The following SGCD variants were observed in gnomAD, a reference collection of about 807,000 sequenced individuals.
The protein encoded by SGCD is sarcoglycan delta.
SGCD carries 18 observed loss-of-function variants against 36.6 expected under a neutral mutation model. The observed-to-expected ratio is 0.49, with a 90% confidence interval of 0.34 to 0.73. The LOEUF (loss-of-function observed/expected upper bound fraction) is 0.73. Among genes scored for constraint, SGCD ranks in the 30% least tolerant of loss-of-function variants. The pLI is 0.01. For synonymous variants in SGCD, 133 were observed against 130.6 expected, an observed-to-expected ratio of 1.02 and a Z score of -0.12; for missense variants, 387 against 346.7, an observed-to-expected ratio of 1.12 and a Z score of -0.92.
chr5:156,616,418 G>A (rs1286179895), intron 6 of SGCD, among the ~76,000 whole-genome samples: 6 of 152,146 alleles, frequency 3.9e-5, no homozygotes, highest in Middle Eastern at 3.2e-3. Flanking sequence ...TATCAGGAGA[G>A]GGAATAGGTG....
chr5:155,763,150 G>T, the SGCD span, among the ~76,000 whole-genome samples: 1 of 151,924 alleles, frequency 6.6e-6, no homozygotes, highest in African/African-American at 2.4e-5. Flanking sequence ...ATTGTAACTT[G>T]CCCCAGTTTT....
chr5:156,443,615 C>T (rs1561698733), intron 3 of SGCD, among the ~76,000 whole-genome samples: 2 of 152,104 alleles, frequency 1.3e-5, no homozygotes, highest in African/African-American at 4.8e-5. Flanking sequence ...TTAACACCCT[C>T]ATGACATGTA....
At chr5:155,969,614 T>C (rs143121948) in intron 1 of SGCD, among the ~76,000 whole-genome samples, 1 of 152,246 alleles carries the variant, frequency 6.6e-6, no homozygotes, top group Non-Finnish European at 1.5e-5. Context: ...CAGAGCAGCC[T>C]ATGTCTGCGC....
intron 3 of SGCD, among the ~76,000 whole-genome samples, chr5:156,443,995 C>T (rs942062924): frequency 5.5e-4 from 83 of 151,878 alleles, no homozygotes; most frequent in Non-Finnish European, 1.1e-3. Context: ...ATCCTAATGA[C>T]CCACCTAAAC....
the SGCD span, among the ~76,000 whole-genome samples, chr5:155,732,504 G>A: frequency 6.6e-6 from 1 of 152,138 alleles, no homozygotes; most frequent in African/African-American, 2.4e-5. Flanking sequence ...AAAAACAAAA[G>A]TAGCTGAAGA....
intron 3 of SGCD, among the ~76,000 whole-genome samples, chr5:156,163,506 TC>T (rs2127619105): frequency 6.6e-6 from 1 of 151,796 alleles, no homozygotes; most frequent in Admixed American, 6.5e-5. Context: ...CTGTGCTTTC[TC>T]CACCTAGTAA....
chr5:155,896,435 A>G (rs1756260313), intron 1 of SGCD, among the ~76,000 whole-genome samples: 1 of 148,808 alleles, frequency 6.7e-6, no homozygotes, highest in African/African-American at 2.5e-5. Context: ...CAGGAGTTTG[A>G]GACCAGCCTG....
At chr5:156,015,898 A>G (rs1359645503) in intron 1 of SGCD, among the ~76,000 whole-genome samples, 1 of 144,014 alleles carries the variant, frequency 6.9e-6, no homozygotes, top group Non-Finnish European at 1.5e-5. Context: ...ATCCACATAT[A>G]TTTTATATAT....
At chr5:155,965,359 T>C (rs1757882013) in intron 1 of SGCD, among the ~76,000 whole-genome samples, 1 of 152,122 alleles carries the variant, frequency 6.6e-6, no homozygotes, top group Non-Finnish European at 1.5e-5. Flanking sequence ...ATCCTGGTCC[T>C]CTCCCAGCTC....
chr5:156,396,804 C>T (rs1176012266), intron 3 of SGCD, among the ~76,000 whole-genome samples: 1 of 152,184 alleles, frequency 6.6e-6, no homozygotes, highest in Non-Finnish European at 1.5e-5. Context: ...TGAACCTTCA[C>T]TGGAACTTAG....
chr5:155,821,685 A>T, the SGCD span, among the ~76,000 whole-genome samples: 2 of 152,340 alleles, frequency 1.3e-5, no homozygotes, highest in Admixed American at 1.3e-4. Context: ...AATAGAGTGC[A>T]ATGTTGTTAT....
chr5:155,985,969 C>G (rs1373793124), intron 1 of SGCD, among the ~76,000 whole-genome samples: 1 of 152,102 alleles, frequency 6.6e-6, no homozygotes, highest in Non-Finnish European at 1.5e-5. Flanking sequence ...AGAATTTTCT[C>G]CTGGTGGTCT....
chr5:155,986,717 G>A lies in SGCD; in HGVS notation c.-282+116293G>A, dbSNP rs142317824. ...ACATGATTCATGCAAATGGCTCCGT[G>A]CCCTTTTTTTCTCAGACCTTCTCCC... On this transcript the variant is annotated intron_variant, in intron 1 of 9. Transcript: ENST00000517913. 1.9e-3 allele frequency among the ~76,000 whole-genome samples: 285 copies of A among 152,292 alleles called. 2 individuals carry two copies. In the East Asian group the frequency reaches 0.021, roughly 11 times the overall value.
the SGCD span, among the ~76,000 whole-genome samples, chr5:155,803,407 A>G: frequency 6.6e-5 from 10 of 152,144 alleles, no homozygotes; most frequent in African/African-American, 2.4e-4. Flanking sequence ...AATGAGTTAG[A>G]TCATGAAGGA....
At chr5:156,147,226 T>C (rs552354232) in intron 3 of SGCD, among the ~76,000 whole-genome samples, 1 of 152,330 alleles carries the variant, frequency 6.6e-6, no homozygotes, top group Admixed American at 6.5e-5. Flanking sequence ...AGGTCTTAGG[T>C]TAACAAGTAA....
intron 2 of SGCD, among the ~76,000 whole-genome samples, chr5:156,339,506 T>C (rs1256592563): frequency 6.6e-6 from 1 of 152,244 alleles, no homozygotes. Flanking sequence ...ATTTATTCAT[T>C]CATTGAACAA....
At chr5:155,813,760 G>C in the SGCD span, among the ~76,000 whole-genome samples, 3 of 152,080 alleles carry the variant, frequency 2.0e-5, no homozygotes, top group Admixed American at 2.0e-4. Context: ...CCATTTGTCT[G>C]GTAGCCTCTT....
intron 7 of SGCD, among the ~76,000 whole-genome samples, chr5:156,706,673 C>T (rs1251470693): frequency 6.6e-6 from 1 of 152,072 alleles, no homozygotes; most frequent in Non-Finnish European, 1.5e-5. Context: ...TCAGAGTCCC[C>T]AGAATTACCT....
intron 3 of SGCD, among the ~76,000 whole-genome samples, chr5:156,503,103 A>G (rs113099390): frequency 5.6e-4 from 85 of 152,324 alleles, no homozygotes; most frequent in African/African-American, 2.0e-3. Flanking sequence ...GGAAAGATTA[A>G]ATTACTTATT....
Sources: allele counts gnomAD v4.1 joint callset (sites outside exome capture counted in the v4.1 genomes callset), GRCh38; gene constraint gnomAD v4.1.1; transcripts MANE v1.5; gene names NCBI Gene and HGNC (gene_info 2026-07-23, HGNC 2026-07-21).